Variants in IQCK observed in about 807,000 individuals in gnomAD.
IQCK encodes the protein IQ domain-containing protein K.
A neutral mutation model predicts 28.1 loss-of-function variants in IQCK; 29 were observed. That is an observed-to-expected ratio of 1.03 (90% CI 0.77 to 1.41). IQCK has a LOEUF of 1.41. Ranked by LOEUF, IQCK falls within the 40% of genes most tolerant of loss-of-function variation. The pLI is 0.00. For missense variants in IQCK, 359 were observed against 314.7 expected (o/e 1.14, Z -1.07); for synonymous variants, 113 against 115.1 (o/e 0.98, Z 0.12).
chr16:19,772,571 CAG>C (rs1006674964), intron 6 of IQCK, among the ~76,000 whole-genome samples: 1 of 151,988 alleles, frequency 6.6e-6, no homozygotes, highest in Non-Finnish European at 1.5e-5. Context: ...ATTCTATGGA[CAG>C]GGGTGAGGGA....
At chr16:19,761,321 T>C (rs1317116855) in intron 4 of IQCK, 1 of 445,082 alleles carries the variant, frequency 2.2e-6, no homozygotes, top group African/African-American at 2.0e-5. Context: ...TTTTCCCTCC[T>C]TCATCTCTCT....
intron 4 of IQCK, among the ~76,000 whole-genome samples, chr16:19,751,625 C>G (rs758418722): frequency 2.0e-5 from 3 of 152,030 alleles, no homozygotes; most frequent in Non-Finnish European, 4.4e-5. Flanking sequence ...GCAGGAGTAG[C>G]GAGATGGATC....
At chr16:19,813,286 C>A (rs187083442) in intron 7 of IQCK, among the ~76,000 whole-genome samples, 1 of 152,198 alleles carries the variant, frequency 6.6e-6, no homozygotes, top group Admixed American at 6.5e-5. Flanking sequence ...GGGGGAGAAG[C>A]AATATTCATA....
chr16:19,827,288 C>G, downstream of IQCK: 1 of 618,826 alleles, frequency 1.6e-6, no homozygotes, highest in Non-Finnish European at 2.9e-6. Context: ...TATTAAGATT[C>G]TGCTATGGAA....
intron 6 of IQCK, among the ~76,000 whole-genome samples, chr16:19,766,776 T>G (rs553090719): frequency 6.6e-6 from 1 of 152,290 alleles, no homozygotes; most frequent in South Asian, 2.1e-4. Context: ...CTGCCTCTGG[T>G]TGAGAACCTC....
At chr16:19,830,850 A>G (rs1261038121), downstream of IQCK, among the ~76,000 whole-genome samples, 1 of 152,192 alleles carries the variant, frequency 6.6e-6, no homozygotes. Context: ...AGAGATGATG[A>G]TCTTTAGAAC....
intron 4 of IQCK, among the ~76,000 whole-genome samples, chr16:19,739,488 G>A (rs1230145864): frequency 6.6e-6 from 1 of 152,206 alleles, no homozygotes; most frequent in African/African-American, 2.4e-5. Flanking sequence ...TGTGGTTTGA[G>A]TACTGGTATG....
At chr16:19,718,402 G>A in exon 1 of IQCK, 2 of 1,605,808 alleles carry the variant, frequency 1.2e-6, no homozygotes, top group Non-Finnish European at 1.7e-6. Context: ...TGCCCACCGT[G>A]TCTCTCGCGT....
In IQCK at chr16:19,850,415, C is replaced by T. The variant is rs2056468266; in HGVS notation, c.803-6072C>T. On this transcript the variant is annotated intron_variant, in intron 9 of 9. Transcript: ENST00000320394. ...GTATGTGTCAAGGGCTTCATAAGTA[C>T]CATAGAAGTGTTTGCTTTTATTATT... Among the ~76,000 whole-genome samples, 6 of 152,194 alleles carry T rather than the reference C, an allele frequency of 3.9e-5. No individual in the cohort carries two copies. The South Asian group carries it at 1.2e-3, about 32-fold the overall frequency.
downstream of IQCK, among the ~76,000 whole-genome samples, chr16:19,831,178 G>A (rs1296280757): frequency 2.0e-5 from 3 of 152,194 alleles, no homozygotes; most frequent in Admixed American, 2.0e-4. Flanking sequence ...AACATATCCT[G>A]GAGGACAGAT....
At chr16:19,736,984 CAAAAAA>C (rs55687544) in intron 4 of IQCK, among the ~76,000 whole-genome samples, 79 of 67,084 alleles carry the variant, frequency 1.2e-3, no homozygotes, top group African/African-American at 3.1e-3. Flanking sequence ...CCGGTATTTA[CAAAAAA>C]AAAAAAAAAA....
In IQCK at chr16:19,726,215, G is replaced by A. The variant is rs139909206; in HGVS notation, c.182-4215G>A. Among the ~76,000 whole-genome samples, 525 of 151,054 alleles carry A rather than the reference G, an allele frequency of 3.5e-3. 5 individuals are homozygous for A. Among genetic ancestry groups the A allele is most frequent in the Middle Eastern group, 7.3e-3 (2 of 274 alleles). On this transcript the variant is annotated intron_variant, in intron 1 of 7. Coordinates refer to ENST00000564186, the Ensembl canonical transcript of IQCK. ...ATGCGTGAGCCACCGTGCCCAGTCC[G>A]GAACTCCTGAGAGATTTCACTGGAA...
intron 1 of IQCK, among the ~76,000 whole-genome samples, chr16:19,723,835 C>T (rs1977570608): frequency 6.6e-6 from 1 of 152,068 alleles, no homozygotes; most frequent in Non-Finnish European, 1.5e-5. Flanking sequence ...CAGTGTGCAC[C>T]TGTAGTCCCA....
intron 7 of IQCK, among the ~76,000 whole-genome samples, chr16:19,808,356 A>G (rs1181466383): frequency 1.3e-5 from 2 of 152,154 alleles, no homozygotes; most frequent in African/African-American, 2.4e-5. Context: ...CTCAGTCACA[A>G]TGTACCCCCA....
intron 4 of IQCK, among the ~76,000 whole-genome samples, chr16:19,759,202 T>TA (rs2055096855): frequency 6.6e-6 from 1 of 152,116 alleles, no homozygotes; most frequent in Admixed American, 6.5e-5. Context: ...GTCAATTTTT[T>TA]AAAATTAATT....
intron 9 of IQCK, among the ~76,000 whole-genome samples, chr16:19,845,345 G>A (rs2056405402): frequency 6.6e-6 from 1 of 152,218 alleles, no homozygotes; most frequent in African/African-American, 2.4e-5. Flanking sequence ...AGTCTGAACT[G>A]GCTAACAGTT....
chr16:19,733,928 A>G (rs1254923834), intron 3 of IQCK, 101 bp downstream of exon 3: 16 of 1,069,594 alleles, frequency 1.5e-5, no homozygotes, highest in Admixed American at 1.2e-4. Flanking sequence ...GGGAGACCAC[A>G]TACATAAGAA....
chr16:19,734,795 A>T lies in IQCK; in HGVS notation c.377-558A>T, dbSNP rs559355328. ...GACTCTGTCTCAAAAAAAAAAAAAA[A>T]AAGTAAAAAGTAGAAGAAAACATCA... is the stretch of plus-strand genomic sequence containing the variant. On this transcript the variant is annotated intron_variant, in intron 3 of 7. Transcript: ENST00000564186. Among the ~76,000 whole-genome samples the T allele has an allele frequency of 4.6e-3, 705 of 151,880 alleles. 5 individuals carry two copies. Among genetic ancestry groups the T allele is most frequent in the African/African-American group, 0.017 (688 of 41,412 alleles).
At chr16:19,848,868 A>G (rs1353387353) in intron 9 of IQCK, among the ~76,000 whole-genome samples, 1 of 152,206 alleles carries the variant, frequency 6.6e-6, no homozygotes, top group Non-Finnish European at 1.5e-5. Flanking sequence ...ATTTTCCTAG[A>G]AATTTGCTAA....
Sources: allele counts gnomAD v4.1 joint callset (sites outside exome capture counted in the v4.1 genomes callset), GRCh38; gene constraint gnomAD v4.1.1; transcripts MANE v1.5; gene names NCBI Gene and HGNC (gene_info 2026-07-23, HGNC 2026-07-21).